The following DNAH6 variants were observed in gnomAD, a reference collection of about 807,000 sequenced individuals.
DNAH6 encodes the protein axonemal beta dynein heavy chain 6.
Under a neutral mutation model 491.4 loss-of-function variants are expected in DNAH6, and 340 were observed. The observed-to-expected ratio is 0.69, with a 90% CI of 0.63 to 0.76. The LOEUF (loss-of-function observed/expected upper bound fraction) is 0.76, where lower values mean the gene tolerates loss of function less well. Among genes scored for constraint, DNAH6 ranks in the 30% least tolerant of loss-of-function variants. The pLI is 0.00. For synonymous variants in DNAH6, 1,603 were observed against 1,686.1 expected (o/e 0.95, Z 1.21); for missense variants, 4,443 against 4,972.2 (o/e 0.89, Z 3.20).
chr2:84,672,472 G>A lies in DNAH6; in HGVS notation c.6600G>A (p.Trp2200Ter). 6.5e-7 allele frequency: 1 copy of A among 1,550,326 alleles called. No individual in the cohort carries two copies. Among genetic ancestry groups the A allele is most frequent in the Non-Finnish European group, 8.7e-7 (1 of 1,146,576 alleles). ...TTTATGACAGAAACAAACTGTTTTG[G>A]AAAGAAATACAGGTTACTTTAGCTT... The part of the protein sequence containing the change: ...GGFYDRNKLF[W>*]KEIQDVTIIS... The change falls in exon 40 of 77, where the codon TGG (tryptophan) becomes TGA (stop). Residue 2200 changes from tryptophan to a stop codon, truncating the protein, a stop_gained. Coordinates refer to ENST00000389394, the MANE Select transcript of DNAH6 (RefSeq NM_001370.2). LOFTEE classifies it high-confidence loss of function.
chr2:84,553,529 C>A (rs1197632625), intron 10 of DNAH6, among the ~76,000 whole-genome samples: 1 of 149,462 alleles, frequency 6.7e-6, no homozygotes, highest in Non-Finnish European at 1.5e-5. Flanking sequence ...ATGATGTGAT[C>A]TTAGCTCACT....
intron 18 of DNAH6, among the ~76,000 whole-genome samples, chr2:84,598,127 T>TTTTCTTACTTTCTTTC (rs1684805273): frequency 9.1e-6 from 1 of 109,314 alleles, no homozygotes; most frequent in Non-Finnish European, 1.9e-5. Context: ...TCTATCTTTC[T>TTTTCTTACTTTCTTTC]TTTCTTTCTT....
chr2:84,709,654 C>T (rs1696846390), intron 55 of DNAH6, 108 bp downstream of exon 55: 1 of 1,215,094 alleles, frequency 8.2e-7, no homozygotes, highest in Admixed American at 2.1e-5. Flanking sequence ...TTAGATTTAA[C>T]ATACATGGAG....
Position 84,611,836 on chromosome 2 carries a change from C to T in DNAH6, c.3457C>T (p.Arg1153Ter), listed in dbSNP as rs201711823. ...GGTGAATCGGCTGCCTAATGCTCTTCGAGCCGCTACTCAGCCAGGTATGAA... is the reference window on the plus strand; with the variant it reads ...GGTGAATCGGCTGCCTAATGCTCTTTGAGCCGCTACTCAGCCAGGTATGAA... ...RKVNRLPNAL[R>*]AATQPGLLET... is the part of the protein sequence containing the mutation. The change falls in exon 22 of 77, where the codon CGA becomes TGA. Residue 1153 changes from arginine to a stop codon, truncating the protein, a stop_gained. Transcript: ENST00000389394. LOFTEE classifies it high-confidence loss of function. 11 of 1,548,084 alleles carry T rather than the reference C, an allele frequency of 7.1e-6. No individual in the cohort carries two copies. Among genetic ancestry groups the T allele is most frequent in the African/African-American group, 1.4e-5 (1 of 72,918 alleles).
Position 84,588,818 on chromosome 2 carries a change from A to G in DNAH6, c.2482-8A>G, listed in dbSNP as rs1218237813. ...AATGGCTAACCAAAAACTGTCTTAA[A>G]TTTATAGGATCCACAGATTTTAGAT... is the stretch of plus-strand genomic sequence containing the variant. On this transcript the variant is annotated splice_region_variant and splice_polypyrimidine_tract_variant and intron_variant, in intron 15 of 76. Transcript: ENST00000389394. 1 of 1,522,172 alleles carries G rather than the reference A, an allele frequency of 6.6e-7. No individual in the cohort carries two copies. Among genetic ancestry groups the G allele is most frequent in the Non-Finnish European group, 8.8e-7 (1 of 1,135,654 alleles). 94.3% of individuals were successfully genotyped at this position (1,522,172 alleles called of 1,614,324 possible).
intron 70 of DNAH6, among the ~76,000 whole-genome samples, chr2:84,798,292 A>T (rs1220047646): frequency 2.6e-5 from 4 of 152,100 alleles, no homozygotes; most frequent in African/African-American, 9.7e-5. Flanking sequence ...CAACCCCTGG[A>T]CTTGGACTGG....
chr2:84,501,411 T>C, the DNAH6 span, among the ~76,000 whole-genome samples: 1 of 151,960 alleles, frequency 6.6e-6, no homozygotes, highest in African/African-American at 2.4e-5. Context: ...TAATGTATTG[T>C]TGAATTTAGT....
upstream of DNAH6, among the ~76,000 whole-genome samples, chr2:84,514,367 A>G (rs1019451416): frequency 6.6e-6 from 1 of 152,168 alleles, no homozygotes; most frequent in Non-Finnish European, 1.5e-5. Flanking sequence ...TTTAAGCCTC[A>G]ATTTCCTATC....
At chr2:84,625,751 T>A (rs1417839614) in intron 29 of DNAH6, among the ~76,000 whole-genome samples, 1 of 152,234 alleles carries the variant, frequency 6.6e-6, no homozygotes, top group Non-Finnish European at 1.5e-5. Context: ...TTTCAAGATA[T>A]TGCTATTATG....
chr2:84,478,707 A>G, the DNAH6 span, among the ~76,000 whole-genome samples: 1 of 152,196 alleles, frequency 6.6e-6, no homozygotes. Context: ...AAGACTGGGC[A>G]GTGGGAGAGG....
chr2:84,603,559 A>G (rs1262653424), intron 18 of DNAH6, among the ~76,000 whole-genome samples: 1 of 152,038 alleles, frequency 6.6e-6, no homozygotes, highest in Admixed American at 6.6e-5. Context: ...ACATTCCCTC[A>G]TGTTCTCATT....
intron 64 of DNAH6, among the ~76,000 whole-genome samples, chr2:84,769,756 C>T (rs1437772394): frequency 6.6e-6 from 1 of 152,136 alleles, no homozygotes; most frequent in Non-Finnish European, 1.5e-5. Context: ...GCCACTGCCT[C>T]GTGGCCCAAG....
At chr2:84,795,071 C>T (rs1369841328) in intron 68 of DNAH6, among the ~76,000 whole-genome samples, 4 of 143,376 alleles carry the variant, frequency 2.8e-5, no homozygotes, top group African/African-American at 5.3e-5. Context: ...AGTAAACTAT[C>T]GCAAGGACAA....
chr2:84,662,964 C>T (rs1161400027), intron 37 of DNAH6, among the ~76,000 whole-genome samples: 4 of 152,148 alleles, frequency 2.6e-5, no homozygotes, highest in South Asian at 2.1e-4. Flanking sequence ...CTGGTGATAC[C>T]CAGGCAAACA....
the DNAH6 span, among the ~76,000 whole-genome samples, chr2:84,509,215 A>G: frequency 6.6e-6 from 1 of 152,156 alleles, no homozygotes; most frequent in South Asian, 2.1e-4. Context: ...GTCTCTTTCT[A>G]GGTCTCTAAG....
At chr2:84,682,312 C>A (rs1391994903) in intron 42 of DNAH6, among the ~76,000 whole-genome samples, 1 of 152,234 alleles carries the variant, frequency 6.6e-6, no homozygotes, top group East Asian at 1.9e-4. Context: ...CTCCTGGGGT[C>A]CCCCCTCACT....
At chr2:84,672,020 G>T (rs12185616) in intron 39 of DNAH6, among the ~76,000 whole-genome samples, 116,019 of 152,172 alleles carry the variant, frequency 0.76, 46,658 homozygotes, top group East Asian at 0.93. Flanking sequence ...GTTGCTGAGG[G>T]CAGTGAGTGT....
intron 72 of DNAH6, among the ~76,000 whole-genome samples, chr2:84,809,942 G>T (rs926083348): frequency 6.6e-6 from 1 of 152,030 alleles, no homozygotes; most frequent in Admixed American, 6.6e-5. Flanking sequence ...CAGCCTCAAG[G>T]GTGGCTGGGA....
chr2:84,691,307 T>C (rs530693710), intron 45 of DNAH6, among the ~76,000 whole-genome samples: 2 of 152,212 alleles, frequency 1.3e-5, no homozygotes, highest in Non-Finnish European at 2.9e-5. Context: ...ACATATAAAG[T>C]GCAAGATTTT....
Sources: allele counts gnomAD v4.1 joint callset (sites outside exome capture counted in the v4.1 genomes callset), GRCh38; gene constraint gnomAD v4.1.1; transcripts MANE v1.5; gene names NCBI Gene and HGNC (gene_info 2026-07-23, HGNC 2026-07-21).